Variants in FBF1 observed in about 807,000 individuals in gnomAD.
FBF1 encodes Fas binding factor 1, also known as fas-binding factor 1.
Under a neutral mutation model 147.2 loss-of-function variants are expected in FBF1, and 119 were observed. The observed-to-expected ratio is 0.81, with a 90% CI of 0.70 to 0.94. The LOEUF (loss-of-function observed/expected upper bound fraction) is 0.94. Ranked by LOEUF, FBF1 falls within the 40% of genes least tolerant of loss-of-function variation. The pLI, the probability that FBF1 is intolerant of heterozygous loss-of-function variation, is 0.00. For missense variants in FBF1, 1,449 were observed against 1,500.8 expected, an observed-to-expected ratio of 0.97 and a Z score of 0.57; for synonymous variants, 601 against 609.0, an observed-to-expected ratio of 0.99 and a Z score of 0.19.
In FBF1 at chr17:75,926,391, T is replaced by G. The variant is rs2065562129; in HGVS notation, c.631A>C (p.Ile211Leu). Reference protein sequence around the residue: ...SIPLTPGDTPIRKKEELLFDD... With the variant: ...SIPLTPGDTPLRKKEELLFDD... ...AACAACAATTCTTCTTTTTTTCGGATGGGGGTGTCCCCAGGAGTTAGAGGA... is the reference window on the plus strand; with the variant it reads ...AACAACAATTCTTCTTTTTTTCGGAGGGGGGTGTCCCCAGGAGTTAGAGGA... The change falls in exon 11 of 30, where the codon ATC becomes CTC. Residue 211 changes from isoleucine to leucine, a missense_variant. Ile to Leu is a conservative substitution (Grantham distance 5). Coordinates refer to ENST00000636174, the MANE Select transcript of FBF1 (RefSeq NM_001319193.2). The G allele has an allele frequency of 6.2e-7, 1 of 1,601,806 alleles. No individual in the cohort carries two copies.
Position 75,918,830 on chromosome 17 carries a change from A to T in FBF1, c.2139-561T>A. Among the ~76,000 whole-genome samples the T allele has an allele frequency of 7.8e-6, 1 of 127,638 alleles. No individual in the cohort carries two copies. 83.7% of individuals were successfully genotyped at this position (127,638 alleles called of 152,430 possible). A position where few individuals can be genotyped will look rare whatever the true frequency, so the allele number is the denominator to read the frequency against. ...CTTTTTTTTTTTTTTTTTCCTAGAGATGAGGTCTCACTATGTTGCCCAGGC... is the reference window on the plus strand; with the variant it reads ...CTTTTTTTTTTTTTTTTTCCTAGAGTTGAGGTCTCACTATGTTGCCCAGGC... On this transcript the variant is annotated intron_variant, in intron 20 of 29. Coordinates refer to ENST00000636174, the MANE Select transcript of FBF1 (RefSeq NM_001319193.2). This position sits in a 1 kb window ranked among gnomAD's most constrained non-coding sequence, Gnocchi z 5.8.
chr17:75,929,945 A>AGGGGGCCCCC, intron 7 of FBF1, 52 bp downstream of exon 7: 3 of 650,872 alleles, frequency 4.6e-6, no homozygotes, highest in Non-Finnish European at 5.6e-6. Flanking sequence ...AAATATCATG[A>AGGGGGCCCCC]CCCCACCCCA....
At chr17:75,924,395 G>A (rs2065547749) in intron 13 of FBF1, among the ~76,000 whole-genome samples, 1 of 152,338 alleles carries the variant, frequency 6.6e-6, no homozygotes, top group Non-Finnish European at 1.5e-5. Flanking sequence ...GAAAGAGGAT[G>A]AAGAAGCCAA....
At position 75,919,771 on chromosome 17, in the gene FBF1, C is replaced by T. The variant is rs756947412; in HGVS notation, c.2035G>A (p.Ala679Thr). 1.1e-5 allele frequency: 18 copies of T among 1,613,502 alleles called. No homozygotes were observed. Among genetic ancestry groups the T allele is most frequent in the Non-Finnish European group, 1.4e-5 (16 of 1,179,884 alleles). Reference sequence around the variant, plus strand: ...GTAAGCTCAGCACGGGCCTGTTCGGCCTCCTGGCACTGCGACAGATACCGA... The same window carrying T: ...GTAAGCTCAGCACGGGCCTGTTCGGTCTCCTGGCACTGCGACAGATACCGA... ...SARYLSQCQEAEQARAELTAQ... is the reference protein window; with the variant it reads ...SARYLSQCQETEQARAELTAQ... The change falls in exon 20 of 30, where the codon GCC (alanine) becomes ACC (threonine). Residue 679 changes from alanine (A) to threonine (T), a missense_variant. Transcript: ENST00000636174. The surrounding 1 kb of genome is among the most constrained non-coding windows in gnomAD (Gnocchi z 5.0).
At position 75,928,682 on chromosome 17, in the gene FBF1, C is replaced by T. The variant is rs1027293105; in HGVS notation, c.280-489G>A. 3.3e-5 allele frequency among the ~76,000 whole-genome samples: 5 copies of T among 151,670 alleles called. No individual in the cohort carries two copies. The highest frequency in any genetic ancestry group is 1.2e-4 in the African/African-American group (5 of 41,112). ...AATTAGTTGGGTGTGGTGGTGCACG[C>T]CTGTAATCCCAGCTACTTGGGAGGC... On this transcript the variant is annotated intron_variant, in intron 7 of 29. Transcript: ENST00000636174. The surrounding 1 kb of genome is among the most constrained non-coding windows in gnomAD (Gnocchi z 4.2).
chr17:75,915,239 A>G, intron 23 of FBF1, 100 bp from the exon 24 acceptor site: 1 of 1,454,708 alleles, frequency 6.9e-7, no homozygotes, highest in African/African-American at 1.4e-5. Context: ...TGTCTCCCAC[A>G]CTATGCCACT....
At chr17:75,914,958 G>A in intron 24 of FBF1, 26 bp from the exon 25 acceptor site, 2 of 1,611,556 alleles carry the variant, frequency 1.2e-6, no homozygotes, top group South Asian at 1.1e-5. Context: ...GAAGGCACGG[G>A]GTGAGTGTCC....
In FBF1 at chr17:75,926,836, C is replaced by T. The variant is rs1448000854; in HGVS notation, c.517G>A (p.Gly173Arg). ...PLRGLLSYDE[G>R]GITKQPPVTQ... ...ACAGGCGGCTGCTTGGTGATTCCTC[C>T]TTCATCATAGGAGAGAAGTCCTCTC... The change falls in exon 10 of 30, where the codon GGA becomes AGA. Residue 173 changes from glycine to arginine, a missense_variant. By Grantham distance (125) the Gly-to-Arg change is moderately radical (BLOSUM62 -2). Coordinates refer to ENST00000636174, the MANE Select transcript of FBF1 (RefSeq NM_001319193.2). 1 of 1,613,662 alleles carries T rather than the reference C, an allele frequency of 6.2e-7. No homozygotes were observed.
chr17:75,929,964 C>CCCCCCCTTAAAAAA, intron 7 of FBF1, 33 bp downstream of exon 7: 1 of 1,402,202 alleles, frequency 7.1e-7, no homozygotes, highest in Non-Finnish European at 9.9e-7. Context: ...CACCCACCCC[C>CCCCCCCTTAAAAAA]AGTTCTAAGA....
chr17:75,933,732 C>A (rs563748500), intron 4 of FBF1, among the ~76,000 whole-genome samples: 1 of 152,234 alleles, frequency 6.6e-6, no homozygotes, highest in South Asian at 2.1e-4. Context: ...AGACAAGTAA[C>A]CCAATTAAAA....
intron 9 of FBF1, 88 bp from the exon 10 acceptor site, chr17:75,926,965 G>C: frequency 6.6e-7 from 1 of 1,518,718 alleles, no homozygotes; most frequent in Non-Finnish European, 8.9e-7. Flanking sequence ...CTCGAGTCAA[G>C]GCTTCTAGCT....
At chr17:75,931,380 C>T in intron 5 of FBF1, 91 bp from the exon 6 acceptor site, 1 of 1,129,744 alleles carries the variant, frequency 8.9e-7, no homozygotes. Context: ...CCCAAGGAAT[C>T]TCGGATAGGT....
At chr17:75,931,371 C>T (rs1463083778) in intron 5 of FBF1, 82 bp from the exon 6 acceptor site, 3 of 1,284,756 alleles carry the variant, frequency 2.3e-6, no homozygotes, top group South Asian at 1.3e-5. Context: ...CTTAGAAAGC[C>T]CAAGGAATCT....
At chr17:75,915,245 C>T (rs2065481843) in intron 23 of FBF1, 106 bp from the exon 24 acceptor site, 1 of 1,438,798 alleles carries the variant, frequency 7.0e-7, no homozygotes, top group Non-Finnish European at 9.2e-7. Flanking sequence ...CCACACTATG[C>T]CACTGACACG....
intron 6 of FBF1, among the ~76,000 whole-genome samples, chr17:75,930,308 T>A (rs535919785): frequency 1.3e-5 from 2 of 152,180 alleles, no homozygotes; most frequent in Non-Finnish European, 2.9e-5. Context: ...AACTCTTCCA[T>A]CCAGGACTGA....
chr17:75,919,411 C>A lies in FBF1; in HGVS notation c.2138+257G>T, dbSNP rs537022392. 6.7e-4 allele frequency among the ~76,000 whole-genome samples: 102 copies of A among 151,158 alleles called. No homozygotes were observed. Among genetic ancestry groups the A allele is most frequent in the African/African-American group, 2.4e-3 (101 of 41,544 alleles). On this transcript the variant is annotated intron_variant, in intron 20 of 29. Transcript: ENST00000636174. This position sits in a 1 kb window ranked among gnomAD's most constrained non-coding sequence, Gnocchi z 5.0. ...ACCCTGTGCTTAGTTAGACCCTAGG[C>A]GGCTTGCTGCTGCCATGCCATGCCT...
intron 6 of FBF1, 69 bp from the exon 7 acceptor site, chr17:75,930,116 G>T: frequency 7.8e-7 from 1 of 1,283,714 alleles, no homozygotes; most frequent in Non-Finnish European, 1.1e-6. Flanking sequence ...AAAACTCAGG[G>T]TCCTGGCCCC....
Position 75,917,693 on chromosome 17 carries a change from TGGCAGGAGG to T in FBF1, c.2505+30_2505+38del, listed in dbSNP as rs144260394. On this transcript the variant is annotated intron_variant, in intron 23 of 29. Coordinates refer to ENST00000636174, the MANE Select transcript of FBF1 (RefSeq NM_001319193.2). ...CGGGTGCCCTGGAGAAGAGGCCCCG[TGGCAGGAGG>T]GGCAGGAGGGCCAGGAGGACGGGCC... 2,434 of 1,513,464 alleles carry T rather than the reference TGGCAGGAGG, an allele frequency of 1.6e-3. 38 individuals are homozygous for T. In the African/African-American group the frequency reaches 0.03, roughly 18 times the overall value. The allele number at this position is 1,513,464 out of a possible 1,614,324, so 93.8% of individuals were successfully genotyped here. A position where few individuals can be genotyped will look rare whatever the true frequency, so the allele number is the denominator to read the frequency against.
At position 75,919,911 on chromosome 17, in the gene FBF1, C is replaced by T; in HGVS notation, c.1932-37G>A. 1 of 1,613,048 alleles carries T rather than the reference C, an allele frequency of 6.2e-7. No homozygotes were observed. Among genetic ancestry groups the T allele is most frequent in the Non-Finnish European group, 8.5e-7 (1 of 1,179,508 alleles). ...ACACCCAGCCATGGCGCAAGGAAGG[C>T]AGAGGGCTGCCGCCTAAAGGCCTCT... On this transcript the variant is annotated intron_variant, in intron 19 of 29. Coordinates refer to ENST00000636174, the MANE Select transcript of FBF1 (RefSeq NM_001319193.2). The surrounding 1 kb of genome is among the most constrained non-coding windows in gnomAD (Gnocchi z 5.0).
Sources: allele counts gnomAD v4.1 joint callset (sites outside exome capture counted in the v4.1 genomes callset), GRCh38; gene constraint gnomAD v4.1.1; non-coding constraint Gnocchi (gnomAD v3.1); transcripts MANE v1.5; gene names NCBI Gene and HGNC (gene_info 2026-07-23, HGNC 2026-07-21).